The following RBFOX1 variants were observed in gnomAD, a reference collection of about 807,000 sequenced individuals.
RBFOX1 encodes RNA binding protein fox-1 homolog 1.
Under a neutral mutation model 57.7 loss-of-function variants are expected in RBFOX1, and 8 were observed. That is an observed-to-expected ratio of 0.14 (90% CI 0.08 to 0.25). RBFOX1 has a LOEUF of 0.25. Among genes scored for constraint, RBFOX1 ranks in the 10% least tolerant of loss-of-function variants. RBFOX1 has a pLI of 1.00. For missense variants in RBFOX1, 611 were observed against 548.5 expected (o/e 1.11, Z -1.14); for synonymous variants, 326 against 222.4 (o/e 1.47, Z -4.15).
At chr16:6,799,196 A>G (rs145620157) in intron 3 of RBFOX1, among the ~76,000 whole-genome samples, 68 of 152,162 alleles carry the variant, frequency 4.5e-4, no homozygotes, top group Non-Finnish European at 7.5e-4. Context: ...GATGGAGGAG[A>G]GCCAGTTTAC....
chr16:7,526,714 G>C (rs983250042), intron 5 of RBFOX1, among the ~76,000 whole-genome samples: 4 of 152,206 alleles, frequency 2.6e-5, no homozygotes, highest in African/African-American at 7.2e-5. Context: ...CTCATTGACT[G>C]TCAGACTATA....
intron 3 of RBFOX1, among the ~76,000 whole-genome samples, chr16:6,929,039 C>A (rs1325911286): frequency 1.3e-5 from 2 of 152,224 alleles, no homozygotes; most frequent in East Asian, 3.9e-4. Flanking sequence ...CAGATGTGAG[C>A]CAGTTAGGAA....
chr16:6,237,814 C>T lies in RBFOX1; in HGVS notation c.-126-79181C>T, dbSNP rs180840960. On this transcript the variant is annotated intron_variant, in intron 1 of 15. Coordinates refer to ENST00000550418, the MANE Select transcript of RBFOX1 (RefSeq NM_018723.4). ...AAACAAAGAAATACCTGCCTTATGG[C>T]TGGATGCGTTGGCACACACCTGTAA... Among the ~76,000 whole-genome samples the T allele has an allele frequency of 5.6e-3, 851 of 152,114 alleles. 11 individuals are homozygous for T. The highest frequency in any genetic ancestry group is 0.02 in the African/African-American group (813 of 41,512).
At chr16:5,889,505 G>C (rs998033349) in intron 4 of RBFOX1, among the ~76,000 whole-genome samples, 2 of 152,146 alleles carry the variant, frequency 1.3e-5, no homozygotes, top group African/African-American at 4.8e-5. Context: ...TTTACTATGT[G>C]AAATAGTGCT....
intron 2 of RBFOX1, among the ~76,000 whole-genome samples, chr16:5,572,252 C>A (rs1213252540): frequency 6.6e-6 from 1 of 152,178 alleles, no homozygotes; most frequent in East Asian, 1.9e-4. Context: ...TTCTGGGAAG[C>A]ATCCAGCCAT....
intron 4 of RBFOX1, among the ~76,000 whole-genome samples, chr16:7,392,271 C>T (rs1215625849): frequency 6.6e-6 from 1 of 152,186 alleles, no homozygotes; most frequent in East Asian, 1.9e-4. Flanking sequence ...CAACTTTCCC[C>T]TGTAGTCCCC....
intron 3 of RBFOX1, among the ~76,000 whole-genome samples, chr16:7,038,015 A>G (rs2045036507): frequency 6.6e-6 from 1 of 152,220 alleles, no homozygotes; most frequent in Admixed American, 6.5e-5. Flanking sequence ...CTTAACTTGA[A>G]AATGTCTTGA....
At chr16:5,305,702 G>A (rs1442584216) in intron 1 of RBFOX1, among the ~76,000 whole-genome samples, 1 of 152,270 alleles carries the variant, frequency 6.6e-6, no homozygotes, top group East Asian at 1.9e-4. Flanking sequence ...CATGCAGATG[G>A]ACACTTCTGG....
chr16:5,287,334 G>A (rs1596399656), intron 1 of RBFOX1, among the ~76,000 whole-genome samples: 1 of 152,190 alleles, frequency 6.6e-6, no homozygotes, highest in East Asian at 1.9e-4. Flanking sequence ...GGGGCGGGTT[G>A]GAGAAGAAAG....
chr16:6,735,435 C>G (rs1368771855), intron 3 of RBFOX1, among the ~76,000 whole-genome samples: 1 of 152,130 alleles, frequency 6.6e-6, no homozygotes, highest in African/African-American at 2.4e-5. Flanking sequence ...AGATATTTTT[C>G]TGTCTTAGTC....
rs577999754 is a variant in RBFOX1, at chr16:6,909,135, A to T, written c.-15-142922A>T. ...AGAAGTCCAAAATGGGTCTTGCTGG[A>T]GTAAAATCAAACGTCAACAGTGTTG... On this transcript the variant is annotated intron_variant, in intron 3 of 15. Transcript: ENST00000550418. Among the ~76,000 whole-genome samples the T allele has an allele frequency of 2.6e-5, 4 of 152,320 alleles. No individual in the cohort carries two copies. In the East Asian group the frequency reaches 7.7e-4, roughly 29 times the overall value.
chr16:7,012,334 G>T (rs1052751227), intron 3 of RBFOX1, among the ~76,000 whole-genome samples: 3 of 152,174 alleles, frequency 2.0e-5, no homozygotes, highest in African/African-American at 4.8e-5. Context: ...ACTAGTGACA[G>T]ACCTGGGACT....
chr16:7,292,474 T>G (rs1213340157), intron 4 of RBFOX1, among the ~76,000 whole-genome samples: 2 of 144,208 alleles, frequency 1.4e-5, no homozygotes, highest in African/African-American at 5.1e-5. Flanking sequence ...TAATATATAA[T>G]GTATTATATA....
intron 4 of RBFOX1, among the ~76,000 whole-genome samples, chr16:7,287,379 T>G (rs1568041521): frequency 2.0e-5 from 3 of 152,134 alleles, no homozygotes; most frequent in Admixed American, 2.0e-4. Context: ...AGAGCAGCAG[T>G]GTGCAGGAAC....
chr16:7,701,969 T>G lies in RBFOX1; in HGVS notation c.996-7087T>G, dbSNP rs564631243. 8.5e-4 allele frequency among the ~76,000 whole-genome samples: 129 copies of G among 152,318 alleles called. 1 individual carries two copies. Among genetic ancestry groups the G allele is most frequent in the African/African-American group, 2.8e-3 (118 of 41,584 alleles). ...CTGAGGTTCTGGAAACCCTCTCAAA[T>G]CTTTCTGTAGGGCAGAGGTGGGGTG... On this transcript the variant is annotated intron_variant, in intron 14 of 15. Transcript: ENST00000550418.
chr16:5,286,646 C>T (rs4118161), intron 1 of RBFOX1, among the ~76,000 whole-genome samples: 26,865 of 152,052 alleles, frequency 0.18, 2,602 homozygotes, highest in African/African-American at 0.25. Context: ...GCCAGTCACT[C>T]GTAAGGGGGA....
intron 4 of RBFOX1, among the ~76,000 whole-genome samples, chr16:7,428,309 A>G (rs1434428604): frequency 6.9e-6 from 1 of 145,506 alleles, no homozygotes; most frequent in African/African-American, 2.5e-5. Context: ...TATTTGACCT[A>G]TGAGAATTAA....
chr16:5,880,347 T>C (rs1334511661), intron 4 of RBFOX1, among the ~76,000 whole-genome samples: 1 of 152,166 alleles, frequency 6.6e-6, no homozygotes, highest in Non-Finnish European at 1.5e-5. Context: ...GGTAGCATTG[T>C]AGTAGAAAGA....
chr16:6,735,156 A>ACAACAACAACAT (rs961001607), intron 3 of RBFOX1, among the ~76,000 whole-genome samples: 8 of 137,414 alleles, frequency 5.8e-5, no homozygotes, highest in African/African-American at 2.5e-4. Flanking sequence ...CTCAACAAAA[A>ACAACAACAACAT]CAACAACAAC....
Sources: gnomAD v4.1 joint callset for allele counts (sites outside exome capture counted in the v4.1 genomes callset) on GRCh38, gnomAD v4.1.1 for gene constraint, MANE v1.5 for transcripts, NCBI Gene and HGNC (gene_info 2026-07-23, HGNC 2026-07-21) for gene names.